Variants in BICC1 observed in about 807,000 individuals in gnomAD.
BICC1 encodes the protein protein bicaudal C homolog 1.
In BICC1, 43 loss-of-function variants were observed where a neutral mutation model predicts 111.0. The ratio of observed to expected loss-of-function variants is 0.39; its 90% confidence interval spans 0.30 to 0.50. The LOEUF (loss-of-function observed/expected upper bound fraction) is 0.50, where lower values mean the gene tolerates loss of function less well. Ranked by LOEUF, BICC1 falls within the 20% of genes least tolerant of loss-of-function variation. BICC1 has a pLI of 0.88. For synonymous variants in BICC1, 467 were observed against 434.4 expected, an observed-to-expected ratio of 1.07 and a Z score of -0.93; for missense variants, 1,091 against 1,203.2, an observed-to-expected ratio of 0.91 and a Z score of 1.38.
intron 1 of BICC1, among the ~76,000 whole-genome samples, chr10:58,606,975 C>T: frequency 6.6e-6 from 1 of 152,100 alleles, no homozygotes; most frequent in African/African-American, 2.4e-5. Flanking sequence ...AAAAATGTTT[C>T]AAATCTTGGA....
At position 58,538,004 on chromosome 10, in the gene BICC1, A is replaced by G. The variant is rs566051852; in HGVS notation, c.190+24671A>G. Among the ~76,000 whole-genome samples the G allele has an allele frequency of 1.8e-4, 28 of 152,136 alleles. No individual in the cohort carries two copies. In the South Asian group the frequency reaches 5.8e-3, roughly 31 times the overall value. ...ACAAATGGAAATACACCTTATGCTC[A>G]TGGATTGGAAGAATCAATATCGTGA... On this transcript the variant is annotated intron_variant, in intron 1 of 20. Coordinates refer to ENST00000373886, the MANE Select transcript of BICC1 (RefSeq NM_001080512.3).
chr10:58,806,558 A>G (rs1422591561), intron 15 of BICC1, 26 bp from the exon 16 acceptor site: 1 of 1,607,544 alleles, frequency 6.2e-7, no homozygotes, highest in Non-Finnish European at 8.5e-7. Flanking sequence ...GACTGTCAAT[A>G]AAGGTATTTT....
At chr10:58,757,611 G>A (rs1480982920) in intron 3 of BICC1, among the ~76,000 whole-genome samples, 1 of 152,096 alleles carries the variant, frequency 6.6e-6, no homozygotes, top group Non-Finnish European at 1.5e-5. Context: ...CGTAAAAAGG[G>A]ACAGGAAGGG....
chr10:58,638,217 G>A (rs1008181923), intron 2 of BICC1, among the ~76,000 whole-genome samples: 2 of 151,894 alleles, frequency 1.3e-5, no homozygotes, highest in African/African-American at 4.8e-5. Context: ...CAGAAATTGA[G>A]GGTTCATGTA....
In BICC1 at chr10:58,727,620, G is replaced by A. The variant is rs543467203; in HGVS notation, c.307+25477G>A. On this transcript the variant is annotated intron_variant, in intron 3 of 20. Coordinates refer to ENST00000373886, the MANE Select transcript of BICC1 (RefSeq NM_001080512.3). Reference sequence around the variant, plus strand: ...AAAAAAGGTGGGGTGGGGTGGGGGCGGTTCATACTTAAGAATTACAAAAGG... The same window carrying A: ...AAAAAAGGTGGGGTGGGGTGGGGGCAGTTCATACTTAAGAATTACAAAAGG... 6.5e-4 allele frequency among the ~76,000 whole-genome samples: 99 copies of A among 151,946 alleles called. 3 individuals carry two copies. The South Asian group carries it at 0.019, about 30-fold the overall frequency.
chr10:58,617,059 T>C (rs7080572), intron 1 of BICC1, among the ~76,000 whole-genome samples: 19,172 of 152,340 alleles, frequency 0.13, 1,805 homozygotes, highest in East Asian at 0.35. Flanking sequence ...TAGTTTTGGC[T>C]GGGGCCTTTA....
At chr10:58,701,933 C>G (rs1328414488) in intron 2 of BICC1, 141 bp from the exon 3 acceptor site, 13 of 477,428 alleles carry the variant, frequency 2.7e-5, no homozygotes, top group Non-Finnish European at 3.2e-5. Flanking sequence ...TTTTTTTTTT[C>G]TTTGCATTGT....
intron 20 of BICC1, 80 bp downstream of exon 20, chr10:58,820,548 C>G: frequency 3.0e-6 from 3 of 1,015,130 alleles, no homozygotes; most frequent in Non-Finnish European, 1.5e-6. Context: ...TGTTTCTACC[C>G]ATTAACTGCT....
At chr10:58,518,475 C>A (rs1040988288) in intron 1 of BICC1, among the ~76,000 whole-genome samples, 41 of 151,452 alleles carry the variant, frequency 2.7e-4, no homozygotes, top group African/African-American at 1.0e-3. Context: ...TCAGATGCAG[C>A]AGTACTGTCT....
intron 1 of BICC1, among the ~76,000 whole-genome samples, chr10:58,542,363 A>T (rs1055003166): frequency 1.3e-5 from 2 of 151,686 alleles, no homozygotes; most frequent in African/African-American, 2.4e-5. Context: ...ATACCAGATT[A>T]AAAAAAATTA....
At chr10:58,828,696 C>T (rs190868911) in intron 20 of BICC1, 65 bp from the exon 21 acceptor site, 4 of 1,522,690 alleles carry the variant, frequency 2.6e-6, no homozygotes, top group Non-Finnish European at 2.7e-6. Flanking sequence ...AGCTCTAGTG[C>T]CATGTCCTGT....
chr10:58,555,713 G>A (rs1446740357), intron 1 of BICC1, among the ~76,000 whole-genome samples: 2 of 152,108 alleles, frequency 1.3e-5, no homozygotes, highest in Non-Finnish European at 2.9e-5. Context: ...GGCCAAGCAG[G>A]CTTGACTTCA....
intron 3 of BICC1, among the ~76,000 whole-genome samples, chr10:58,775,464 T>G (rs1842726515): frequency 6.6e-6 from 1 of 152,186 alleles, no homozygotes; most frequent in Admixed American, 6.5e-5. Flanking sequence ...CTTGATGAAT[T>G]CTGACTTAGA....
At chr10:58,681,020 A>G (rs1192684854) in intron 2 of BICC1, among the ~76,000 whole-genome samples, 1 of 152,226 alleles carries the variant, frequency 6.6e-6, no homozygotes, top group African/African-American at 2.4e-5. Flanking sequence ...GCAAAAATTA[A>G]CTCAAGATGG....
At chr10:58,790,000 T>A (rs1464322554) in intron 8 of BICC1, 67 bp downstream of exon 8, 1 of 1,535,996 alleles carries the variant, frequency 6.5e-7, no homozygotes, top group African/African-American at 1.4e-5. Context: ...TGTTTTTCCA[T>A]CCACTGTACT....
At chr10:58,720,269 A>G (rs1331368630) in intron 3 of BICC1, among the ~76,000 whole-genome samples, 1 of 152,208 alleles carries the variant, frequency 6.6e-6, no homozygotes, top group African/African-American at 2.4e-5. Context: ...TTGCTGTCGT[A>G]AGTGAATGAA....
chr10:58,717,879 C>A (rs1231240514), intron 3 of BICC1, among the ~76,000 whole-genome samples: 1 of 152,108 alleles, frequency 6.6e-6, no homozygotes, highest in Non-Finnish European at 1.5e-5. Flanking sequence ...AACAATTGTT[C>A]TTGCTCCTCT....
intron 1 of BICC1, among the ~76,000 whole-genome samples, chr10:58,558,274 A>G (rs1296147638): frequency 6.6e-6 from 1 of 152,106 alleles, no homozygotes; most frequent in Non-Finnish European, 1.5e-5. Context: ...AAGCCTGAAC[A>G]TCTCCAGAAT....
intron 3 of BICC1, among the ~76,000 whole-genome samples, chr10:58,704,707 C>T (rs979736889): frequency 1.1e-4 from 16 of 152,134 alleles, no homozygotes; most frequent in East Asian, 7.7e-4. Flanking sequence ...GGACTCATGC[C>T]GTGTTTTGGA....
Sources: gnomAD v4.1 joint callset for allele counts (sites outside exome capture counted in the v4.1 genomes callset) on GRCh38, gnomAD v4.1.1 for gene constraint, MANE v1.5 for transcripts, NCBI Gene and HGNC (gene_info 2026-07-23, HGNC 2026-07-21) for gene names.